Variants in PRDM2 observed in about 807,000 individuals in gnomAD.
The protein encoded by PRDM2 is PR domain zinc finger protein 2.
PRDM2 carries 30 observed loss-of-function variants against 130.0 expected under a neutral mutation model. That is an observed-to-expected ratio of 0.23 (90% CI 0.17 to 0.31). The LOEUF is 0.31. Among genes scored for constraint, PRDM2 ranks in the 10% least tolerant of loss-of-function variants. The probability of loss-of-function intolerance (pLI) is 1.00; values close to 1 mark genes in which losing one functional copy is unlikely to be tolerated. For synonymous variants in PRDM2, 871 were observed against 782.4 expected, an observed-to-expected ratio of 1.11 and a Z score of -1.89; for missense variants, 2,011 against 2,108.4, an observed-to-expected ratio of 0.95 and a Z score of 0.90.
At chr1:13,757,699 G>T (rs1307485844) in intron 6 of PRDM2, among the ~76,000 whole-genome samples, 1 of 148,778 alleles carries the variant, frequency 6.7e-6, no homozygotes, top group African/African-American at 2.5e-5. Flanking sequence ...CATCATGCTT[G>T]TTAGTCTTTT....
Position 13,803,691 on chromosome 1 carries a change from C to G in PRDM2, c.5037-12736C>G, listed in dbSNP as rs1178707260. 1.3e-5 allele frequency among the ~76,000 whole-genome samples: 2 copies of G among 152,224 alleles called. No homozygotes were observed. Among genetic ancestry groups the G allele is most frequent in the African/African-American group, 4.8e-5 (2 of 41,460 alleles). ...GTCTTGGCAGCAAAAGAGGCAGCCA[C>G]AGCCGGGGGCTTTCCCCGCGGGCAG... On this transcript the variant is annotated intron_variant, in intron 8 of 9. Coordinates refer to ENST00000311066, the MANE Select transcript of PRDM2 (RefSeq NM_001393986.1). The surrounding 1 kb of genome is among the most constrained non-coding windows in gnomAD (Gnocchi z 6.2).
intron 8 of PRDM2, among the ~76,000 whole-genome samples, chr1:13,798,323 T>G (rs1411281495): frequency 6.6e-6 from 1 of 152,248 alleles, no homozygotes; most frequent in Non-Finnish European, 1.5e-5. Flanking sequence ...TGCTGGTGAT[T>G]GAACAAAGAA....
At chr1:13,799,758 T>C (rs1644978881) in intron 8 of PRDM2, among the ~76,000 whole-genome samples, 1 of 152,204 alleles carries the variant, frequency 6.6e-6, no homozygotes, top group African/African-American at 2.4e-5. Context: ...ATTATCACAC[T>C]TGCACAATCT....
At chr1:13,736,360 G>C (rs1643273211) in intron 4 of PRDM2, among the ~76,000 whole-genome samples, 1 of 151,972 alleles carries the variant, frequency 6.6e-6, no homozygotes, top group Admixed American at 6.6e-5. Context: ...GGGCTCAAGC[G>C]ATCTGCCCGT....
In PRDM2 at chr1:13,769,209, G is replaced by A. The variant is rs562793195; in HGVS notation, c.512-3869G>A. The A allele has an allele frequency of 1.1e-5, 10 of 946,032 alleles. 1 individual carries two copies. The South Asian group carries it at 3.9e-4, about 37-fold the overall frequency. The allele number at this position is 946,032 out of a possible 1,614,324, so 58.6% of individuals were successfully genotyped here. On this transcript the variant is annotated intron_variant, in intron 6 of 9. Coordinates refer to ENST00000311066, the MANE Select transcript of PRDM2 (RefSeq NM_001393986.1). Reference sequence around the variant, plus strand: ...TTGTGTGCTTGCCAGGCCTCCCAGCGGCTCCTGCTCCTCTGCCTCACAGAG... The same window carrying A: ...TTGTGTGCTTGCCAGGCCTCCCAGCAGCTCCTGCTCCTCTGCCTCACAGAG...
rs373785871 is a variant in PRDM2 at position 13,778,930 on chromosome 1, A to T, written c.1135A>T (p.Met379Leu). 444 of 1,614,134 alleles carry T rather than the reference A, an allele frequency of 2.8e-4. No homozygotes were observed. The highest frequency in any genetic ancestry group is 3.5e-4 in the Non-Finnish European group (408 of 1,180,052). ...AACCAAACAGGGGCTTGAGCGTCAC[A>T]TGCATATCCATATATCCACCGTCAA... is the stretch of plus-strand genomic sequence containing the variant. Reference protein sequence around the residue: ...FTTKQGLERHMHIHISTVNHA... With the variant: ...FTTKQGLERHLHIHISTVNHA... The change falls in exon 8 of 10, where the codon ATG (methionine) becomes TTG (leucine). Residue 379 changes from methionine to leucine, a missense_variant. By Grantham distance (15) the Met-to-Leu change is conservative. Transcript: ENST00000311066.
In PRDM2 at chr1:13,781,711, C is replaced by T. The variant is rs764830790; in HGVS notation, c.3916C>T (p.His1306Tyr). ...PSFKPPPFQYHHRNPMGIGVT... is the reference protein window; with the variant it reads ...PSFKPPPFQYYHRNPMGIGVT... ...CTTTAAACCACCTCCATTTCAGTAC[C>T]ATCACCGTAACCCCATGGGGATTGG... Residue 1306 changes from histidine to tyrosine, a missense_variant, in exon 8 of 10, where the codon CAT (histidine) becomes TAT (tyrosine). Physicochemically the swap from His to Tyr is moderately conservative, Grantham distance 83. Around this residue, in one of 5 missense-constraint regions of PRDM2, gnomAD observed 229 missense variants for 364.1 expected, o/e 0.63. Transcript: ENST00000311066. This position sits in a 1 kb window ranked among gnomAD's most constrained non-coding sequence, Gnocchi z 6.1. 10 of 1,614,076 alleles carry T rather than the reference C, an allele frequency of 6.2e-6. No individual in the cohort carries two copies. Among genetic ancestry groups the T allele is most frequent in the Admixed American group, 1.7e-5 (1 of 60,012 alleles).
chr1:13,804,835 C>T (rs1645063207), intron 8 of PRDM2, among the ~76,000 whole-genome samples: 1 of 152,134 alleles, frequency 6.6e-6, no homozygotes, highest in African/African-American at 2.4e-5. Context: ...GTGGGTCCAG[C>T]CCAAAACAGA....
At position 13,779,775 on chromosome 1, in the gene PRDM2, C is replaced by T; in HGVS notation, c.1980C>T (p.Val660=). The T allele has an allele frequency of 1.2e-6, 2 of 1,614,222 alleles. No homozygotes were observed. Among genetic ancestry groups the T allele is most frequent in the Non-Finnish European group, 8.5e-7 (1 of 1,180,044 alleles). The change falls in exon 8 of 10, where the codon GTC becomes GTT. Residue 660 remains valine (V), a synonymous_variant. Coordinates refer to ENST00000311066, the MANE Select transcript of PRDM2 (RefSeq NM_001393986.1). The surrounding 1 kb of genome is among the most constrained non-coding windows in gnomAD (Gnocchi z 4.9). ...CCGAAACAGACTCTGACCCCATGGT[C>T]CCCTCTTGCTCTTTAAGTCTTCCTC... The part of the protein sequence containing the change: ...IKAETDSDPM[V]PSCSLSLPLS...
At chr1:13,808,522 T>C (rs1351565304) in intron 8 of PRDM2, among the ~76,000 whole-genome samples, 1 of 151,632 alleles carries the variant, frequency 6.6e-6, no homozygotes, top group African/African-American at 2.4e-5. Flanking sequence ...TCTTGATGTC[T>C]AGGATTGAGG....
At chr1:13,777,495 T>C (rs1407619982) in intron 7 of PRDM2, among the ~76,000 whole-genome samples, 1 of 149,846 alleles carries the variant, frequency 6.7e-6, no homozygotes, top group Admixed American at 6.7e-5. Context: ...TCTCTAGTCT[T>C]ACCTCCTGCC....
chr1:13,730,638 A>G (rs1276607885), intron 2 of PRDM2, among the ~76,000 whole-genome samples: 1 of 152,204 alleles, frequency 6.6e-6, no homozygotes, highest in African/African-American at 2.4e-5. Flanking sequence ...AAATGTGCTA[A>G]GGTACTGATG....
rs1645103530 is a variant in PRDM2 at position 13,807,480 on chromosome 1, A to G, written c.5037-8947A>G. 2.0e-5 allele frequency among the ~76,000 whole-genome samples: 3 copies of G among 152,190 alleles called. No homozygotes were observed. In the South Asian group the frequency reaches 6.2e-4, roughly 31 times the overall value. ...TTGATGGGGATAAGCACAACTCAGAAAGTAAAAGGGAGTCGAGATGGGGAG... is the reference window on the plus strand; with the variant it reads ...TTGATGGGGATAAGCACAACTCAGAGAGTAAAAGGGAGTCGAGATGGGGAG... On this transcript the variant is annotated intron_variant, in intron 8 of 9. Transcript: ENST00000311066.
At chr1:13,735,780 A>G (rs1333555493) in intron 4 of PRDM2, among the ~76,000 whole-genome samples, 1 of 152,236 alleles carries the variant, frequency 6.6e-6, no homozygotes, top group Non-Finnish European at 1.5e-5. Flanking sequence ...ATATGTTCTA[A>G]TAAAGCTTTT....
chr1:13,815,353 C>G (rs530499299), intron 8 of PRDM2, among the ~76,000 whole-genome samples: 2 of 152,272 alleles, frequency 1.3e-5, no homozygotes, highest in African/African-American at 4.8e-5. Flanking sequence ...CTCAGGTGAT[C>G]CACCCGCCTC....
chr1:13,732,420 G>A (rs1409789991), intron 3 of PRDM2, among the ~76,000 whole-genome samples: 1 of 152,136 alleles, frequency 6.6e-6, no homozygotes, highest in Non-Finnish European at 1.5e-5. Context: ...AAAATCAGTT[G>A]TAGTTTCACT....
rs538122679 is a variant in PRDM2 at position 13,804,900 on chromosome 1, C to G, written c.5037-11527C>G. On this transcript the variant is annotated intron_variant, in intron 8 of 9. Transcript: ENST00000311066. ...TGCTCTATGGGCAAAGGCTCACCCC[C>G]ACCTGGCTTTGGGATATTGGAAACA... Among the ~76,000 whole-genome samples the G allele has an allele frequency of 5.9e-5, 9 of 152,312 alleles. No individual in the cohort carries two copies. In the East Asian group the frequency reaches 1.7e-3, roughly 29 times the overall value.
intron 8 of PRDM2, among the ~76,000 whole-genome samples, chr1:13,799,766 T>G (rs1282087025): frequency 6.6e-6 from 1 of 152,314 alleles, no homozygotes; most frequent in African/African-American, 2.4e-5. Flanking sequence ...ACTTGCACAA[T>G]CTAATTAAAT....
rs758797580 is a variant in PRDM2, at chr1:13,779,872, C to A, written c.2077C>A (p.Gln693Lys). 1 of 1,609,362 alleles carries A rather than the reference C, an allele frequency of 6.2e-7. No homozygotes were observed. The highest frequency in any genetic ancestry group is 1.1e-5 in the South Asian group (1 of 90,888). The stretch of plus-strand genomic sequence containing the variant: ...TGTTTATTTGTCATCAAAGCTCAAA[C>A]AACTTCTTCAAACCCAAGATAAACT... ...KSVYLSSKLK[Q>K]LLQTQDKLTP... is the part of the protein sequence containing the mutation. The change falls in exon 8 of 10, where the codon CAA becomes AAA. Residue 693 changes from glutamine to lysine, a missense_variant. Coordinates refer to ENST00000311066, the MANE Select transcript of PRDM2 (RefSeq NM_001393986.1). This position sits in a 1 kb window ranked among gnomAD's most constrained non-coding sequence, Gnocchi z 4.9.
Sources: allele counts gnomAD v4.1 joint callset (sites outside exome capture counted in the v4.1 genomes callset), GRCh38; gene constraint gnomAD v4.1.1; regional missense constraint gnomAD v4.1.1; non-coding constraint Gnocchi (gnomAD v3.1); transcripts MANE v1.5; gene names NCBI Gene and HGNC (gene_info 2026-07-23, HGNC 2026-07-21).